The following PCDH15 variants were observed in gnomAD, a reference collection of about 807,000 sequenced individuals.
PCDH15 encodes protocadherin-15.
A neutral mutation model predicts 178.5 loss-of-function variants in PCDH15; 129 were observed. The observed-to-expected ratio is 0.72, with a 90% CI of 0.63 to 0.84. PCDH15 has a LOEUF of 0.84. Ranked by LOEUF, PCDH15 falls within the 40% of genes least tolerant of loss-of-function variation. The pLI, the probability that PCDH15 is intolerant of heterozygous loss-of-function variation, is 0.00. For synonymous variants in PCDH15, 800 were observed against 732.0 expected, an observed-to-expected ratio of 1.09 and a Z score of -1.50; for missense variants, 2,230 against 2,099.9, an observed-to-expected ratio of 1.06 and a Z score of -1.21.
At chr10:55,418,842 G>C (rs1838549722) in intron 2 of PCDH15, among the ~76,000 whole-genome samples, 1 of 151,646 alleles carries the variant, frequency 6.6e-6, no homozygotes, top group Admixed American at 6.6e-5. Flanking sequence ...AAATGTTGGA[G>C]GCAAACCTTA....
intron 2 of PCDH15, among the ~76,000 whole-genome samples, chr10:55,607,347 T>C (rs1295773320): frequency 6.7e-6 from 1 of 149,226 alleles, no homozygotes; most frequent in African/African-American, 2.5e-5. Context: ...TGGCGATTCC[T>C]CAGGGATCTA....
chr10:55,559,036 C>T (rs958999803), intron 2 of PCDH15, among the ~76,000 whole-genome samples: 6 of 152,086 alleles, frequency 3.9e-5, no homozygotes, highest in Non-Finnish European at 8.8e-5. Context: ...CCAGTGCCAA[C>T]TCTCTATCCA....
chr10:54,322,839 T>C (rs1427445266), intron 7 of PCDH15, among the ~76,000 whole-genome samples: 4 of 151,870 alleles, frequency 2.6e-5, no homozygotes, highest in Non-Finnish European at 4.4e-5. Context: ...TGAAAAGCAA[T>C]TGCAACAAAA....
intron 21 of PCDH15, among the ~76,000 whole-genome samples, chr10:53,982,832 A>G (rs1307048049): frequency 1.3e-5 from 2 of 150,682 alleles, no homozygotes; most frequent in African/African-American, 4.9e-5. Flanking sequence ...ATAATAAAAA[A>G]ATATAAAAAA....
rs144930187 is a variant in PCDH15, at chr10:54,989,160, G to A, written c.-79-91660C>T. On this transcript the variant is annotated intron_variant, in intron 2 of 5. Coordinates refer to the PCDH15 transcript ENST00000458638. ...GAATTGGGATTTGGGAACCTCTGCC[G>A]AGATTTCAGAAGATGTATGGAAACA... Among the ~76,000 whole-genome samples, 783 of 152,316 alleles carry A rather than the reference G, an allele frequency of 5.1e-3. 4 individuals are homozygous for A. Among genetic ancestry groups the A allele is most frequent in the African/African-American group, 0.018 (749 of 41,574 alleles).
At chr10:53,925,348 G>T (rs1176448167) in intron 25 of PCDH15, among the ~76,000 whole-genome samples, 4 of 152,140 alleles carry the variant, frequency 2.6e-5, no homozygotes, top group Admixed American at 1.3e-4. Flanking sequence ...TACCGCGAAG[G>T]TCTGCAGTTT....
chr10:54,401,607 A>G (rs1589225472), intron 3 of PCDH15, among the ~76,000 whole-genome samples: 1 of 151,856 alleles, frequency 6.6e-6, no homozygotes, highest in African/African-American at 2.4e-5. Context: ...ATTAAGTGAA[A>G]CATGAATGAA....
chr10:54,847,745 T>C (rs185118029), intron 3 of PCDH15, among the ~76,000 whole-genome samples: 1,899 of 152,312 alleles, frequency 0.012, 39 homozygotes, highest in African/African-American at 0.042. Flanking sequence ...GTTGAATAAA[T>C]GTGTATTGAG....
chr10:55,012,709 C>T (rs905286232), intron 2 of PCDH15, among the ~76,000 whole-genome samples: 2 of 151,852 alleles, frequency 1.3e-5, no homozygotes, highest in African/African-American at 4.8e-5. Context: ...TTATTTATTC[C>T]TTCTAAATTT....
chr10:54,573,883 T>A (rs900440318), intron 2 of PCDH15, among the ~76,000 whole-genome samples: 3 of 152,086 alleles, frequency 2.0e-5, no homozygotes, highest in Admixed American at 6.6e-5. Context: ...ATCCTTTATT[T>A]AAAAAAAATT....
Position 54,527,896 on chromosome 10 carries a change from C to G in PCDH15, c.92-19G>C. ...TTGCAATCTAAAGAGAGAAAATAACCAAAAGTAATAATTGACTGCAGGGGC... is the reference window on the plus strand; with the variant it reads ...TTGCAATCTAAAGAGAGAAAATAACGAAAAGTAATAATTGACTGCAGGGGC... On this transcript the variant is annotated intron_variant, in intron 2 of 37. Transcript: ENST00000644397. The G allele has an allele frequency of 1.9e-6, 3 of 1,592,960 alleles. 1 individual carries two copies. In the South Asian group the frequency reaches 3.3e-5, roughly 18 times the overall value.
At chr10:53,988,612 G>T (rs946164869) in intron 21 of PCDH15, among the ~76,000 whole-genome samples, 4 of 152,108 alleles carry the variant, frequency 2.6e-5, no homozygotes, top group East Asian at 1.9e-4. Flanking sequence ...TTAAGGCCAA[G>T]AATCCAGGTC....
At chr10:55,413,296 A>C (rs1838389093) in intron 2 of PCDH15, among the ~76,000 whole-genome samples, 1 of 151,758 alleles carries the variant, frequency 6.6e-6, no homozygotes, top group African/African-American at 2.4e-5. Context: ...CAATAAAAAA[A>C]AAGGGATAAA....
intron 1 of PCDH15, among the ~76,000 whole-genome samples, chr10:54,764,509 C>T (rs1330444961): frequency 6.6e-6 from 1 of 151,962 alleles, no homozygotes; most frequent in Non-Finnish European, 1.5e-5. Context: ...TGATGTATTA[C>T]CAAATTTTTA....
chr10:54,957,924 C>T (rs1311101895), intron 2 of PCDH15, among the ~76,000 whole-genome samples: 4 of 151,524 alleles, frequency 2.6e-5, no homozygotes, highest in East Asian at 1.9e-4. Context: ...CATAAATTTA[C>T]GAAAGCAAAA....
rs967942184 is a variant in PCDH15, at chr10:53,953,322, G to A, written c.3122+6410C>T. ...TGTCTTGATCCTCCATTTCACCTAA[G>A]TGACTCCATAAAAGATTGATGTGAA... On this transcript the variant is annotated intron_variant, in intron 23 of 37. Transcript: ENST00000644397. Among the ~76,000 whole-genome samples the A allele has an allele frequency of 1.2e-4, 19 of 152,184 alleles. 1 individual carries two copies. The highest frequency in any genetic ancestry group is 1.1e-3 in the Admixed American group (17 of 15,282).
chr10:54,215,716 C>T (rs1350398336), intron 9 of PCDH15, among the ~76,000 whole-genome samples: 1 of 151,940 alleles, frequency 6.6e-6, no homozygotes, highest in East Asian at 1.9e-4. Flanking sequence ...AAAGTAAAAC[C>T]ACAAGTGACA....
chr10:55,479,653 A>T (rs554832584), intron 2 of PCDH15, among the ~76,000 whole-genome samples: 2 of 151,704 alleles, frequency 1.3e-5, no homozygotes, highest in Non-Finnish European at 3.0e-5. Context: ...ATAGTACTAG[A>T]TGTCATAGCC....
chr10:54,899,503 T>C, intron 2 of PCDH15, among the ~76,000 whole-genome samples: 1 of 148,180 alleles, frequency 6.7e-6, no homozygotes, highest in Non-Finnish European at 1.5e-5. Context: ...GTAATTTTCT[T>C]TTCTGTTTTT....
Sources: gnomAD v4.1 joint callset for allele counts (sites outside exome capture counted in the v4.1 genomes callset) on GRCh38, gnomAD v4.1.1 for gene constraint, MANE v1.5 for transcripts, NCBI Gene and HGNC (gene_info 2026-07-23, HGNC 2026-07-21) for gene names.